ADGRB3: variants seen among roughly 807,000 people sequenced by gnomAD.
The protein encoded by ADGRB3 is brain-specific angiogenesis inhibitor 3.
ADGRB3 carries 37 observed loss-of-function variants against 193.4 expected under a neutral mutation model. The ratio of observed to expected loss-of-function variants is 0.19; its 90% confidence interval spans 0.15 to 0.25. The LOEUF (loss-of-function observed/expected upper bound fraction) is 0.25. Among genes scored for constraint, ADGRB3 ranks in the 10% least tolerant of loss-of-function variants. The pLI, the probability that ADGRB3 is intolerant of heterozygous loss-of-function variation, is 1.00. For synonymous variants in ADGRB3, 690 were observed against 644.2 expected, an observed-to-expected ratio of 1.07 and a Z score of -1.08; for missense variants, 1,637 against 1,852.9, an observed-to-expected ratio of 0.88 and a Z score of 2.14.
At chr6:69,134,760 G>A (rs1561930015) in intron 17 of ADGRB3, among the ~76,000 whole-genome samples, 4 of 151,164 alleles carry the variant, frequency 2.6e-5, no homozygotes, top group Non-Finnish European at 5.9e-5. Flanking sequence ...TGGTGTGTGT[G>A]TATATATATA....
At position 68,663,675 on chromosome 6, in the gene ADGRB3, G is replaced by T. The variant is rs566945040; in HGVS notation, c.757+24243G>T. 2.6e-5 allele frequency among the ~76,000 whole-genome samples: 4 copies of T among 151,882 alleles called. No homozygotes were observed. The East Asian group carries it at 7.8e-4, about 30-fold the overall frequency. ...GGAGCCATGAATAGAAACTTTTGAA[G>T]CTTTGAATAGAAATAATTTTAAAGT... is the stretch of plus-strand genomic sequence containing the variant. On this transcript the variant is annotated intron_variant, in intron 3 of 31. Coordinates refer to ENST00000370598, the MANE Select transcript of ADGRB3 (RefSeq NM_001704.3).
chr6:69,257,021 T>A (rs1157486233), intron 20 of ADGRB3, among the ~76,000 whole-genome samples: 2 of 152,090 alleles, frequency 1.3e-5, no homozygotes, highest in African/African-American at 4.8e-5. Flanking sequence ...ATTTGTGTAT[T>A]TTGAACCAGC....
At chr6:68,937,920 A>G (rs957549256) in intron 5 of ADGRB3, among the ~76,000 whole-genome samples, 1 of 152,194 alleles carries the variant, frequency 6.6e-6, no homozygotes, top group African/African-American at 2.4e-5. Context: ...TTTACATTAT[A>G]TGCTTTTTAT....
chr6:68,958,870 A>AAATAGT lies in ADGRB3; in HGVS notation c.1525+2061_1525+2062insAATAGT, dbSNP rs1554227911. ...TACTTATACAGGGGCAAAGAAAAAT[A>AAATAGT]GTGTGTGTGTGTGTGTGTGTGTGTG... On this transcript the variant is annotated intron_variant, in intron 8 of 31. Transcript: ENST00000370598. 2.5e-3 allele frequency among the ~76,000 whole-genome samples: 372 copies of AAATAGT among 147,324 alleles called. 1 individual carries two copies. Among genetic ancestry groups the AAATAGT allele is most frequent in the African/African-American group, 7.3e-3 (288 of 39,390 alleles).
chr6:69,232,162 T>G (rs1212839431), intron 17 of ADGRB3, among the ~76,000 whole-genome samples: 1 of 152,236 alleles, frequency 6.6e-6, no homozygotes, highest in Admixed American at 6.5e-5. Context: ...ACATACAGGT[T>G]TGCTAGCTGG....
At chr6:69,327,979 C>A in intron 22 of ADGRB3, 90 bp downstream of exon 22, 2 of 1,106,426 alleles carry the variant, frequency 1.8e-6, no homozygotes, top group Non-Finnish European at 2.6e-6. Flanking sequence ...TGCAGTTTAT[C>A]ATGGAATCAT....
At chr6:69,256,481 C>T (rs1175286340) in intron 20 of ADGRB3, among the ~76,000 whole-genome samples, 2 of 152,080 alleles carry the variant, frequency 1.3e-5, no homozygotes, top group Non-Finnish European at 2.9e-5. Flanking sequence ...AATGGGCGTT[C>T]ACTCATGATT....
At chr6:69,280,520 T>C (rs1767411772) in intron 20 of ADGRB3, among the ~76,000 whole-genome samples, 1 of 152,172 alleles carries the variant, frequency 6.6e-6, no homozygotes, top group Non-Finnish European at 1.5e-5. Flanking sequence ...ATTAGACTTA[T>C]ACATATAAAG....
chr6:69,274,680 C>A (rs1017421781), intron 20 of ADGRB3, among the ~76,000 whole-genome samples: 1 of 96,420 alleles, frequency 1.0e-5, no homozygotes. Flanking sequence ...TTTCTTTTTT[C>A]TTTTTATTCC....
intron 3 of ADGRB3, among the ~76,000 whole-genome samples, chr6:68,925,618 G>A (rs1357367152): frequency 6.6e-6 from 1 of 151,820 alleles, no homozygotes; most frequent in Admixed American, 6.6e-5. Flanking sequence ...ATTTCTCTTT[G>A]GCGACATATT....
chr6:69,292,833 A>G (rs1185396544), intron 20 of ADGRB3, among the ~76,000 whole-genome samples: 1 of 152,130 alleles, frequency 6.6e-6, no homozygotes, highest in African/African-American at 2.4e-5. Context: ...CCCGTCATCT[A>G]GCATGAGGTA....
intron 3 of ADGRB3, among the ~76,000 whole-genome samples, chr6:68,648,533 C>T (rs1768270898): frequency 6.8e-6 from 1 of 146,102 alleles, no homozygotes; most frequent in African/African-American, 2.5e-5. Context: ...GCTGATGGAT[C>T]CAGATTGCAA....
At chr6:68,890,700 A>G (rs760105735) in intron 3 of ADGRB3, among the ~76,000 whole-genome samples, 1 of 152,204 alleles carries the variant, frequency 6.6e-6, no homozygotes, top group Non-Finnish European at 1.5e-5. Context: ...AAACAAATAC[A>G]TAAAAGGAAG....
chr6:68,764,998 A>G (rs1766482645), intron 3 of ADGRB3, among the ~76,000 whole-genome samples: 1 of 152,188 alleles, frequency 6.6e-6, no homozygotes, highest in Admixed American at 6.5e-5. Context: ...ATATAATGTA[A>G]TGTTACTGAA....
chr6:68,854,604 C>G (rs1023041238), intron 3 of ADGRB3, among the ~76,000 whole-genome samples: 2 of 151,842 alleles, frequency 1.3e-5, no homozygotes, highest in African/African-American at 4.8e-5. Context: ...AAGTGACCAG[C>G]CTATAAAAAA....
intron 17 of ADGRB3, among the ~76,000 whole-genome samples, chr6:69,098,189 G>T (rs1772938674): frequency 6.6e-6 from 1 of 152,092 alleles, no homozygotes; most frequent in Non-Finnish European, 1.5e-5. Context: ...TTCCTGCCTT[G>T]GCCTCCTAAA....
intron 3 of ADGRB3, among the ~76,000 whole-genome samples, chr6:68,659,849 T>A (rs1768582534): frequency 1.3e-5 from 2 of 151,032 alleles, no homozygotes; most frequent in South Asian, 4.2e-4. Flanking sequence ...TAACCATCTT[T>A]TACACTGATC....
At chr6:69,234,897 T>A in intron 18 of ADGRB3, 135 bp from the exon 19 acceptor site, 1 of 627,546 alleles carries the variant, frequency 1.6e-6, no homozygotes, top group African/African-American at 1.8e-5. Flanking sequence ...CAGAGTGGAT[T>A]CATGGGTAAC....
At chr6:68,884,843 G>T (rs539048181) in intron 3 of ADGRB3, among the ~76,000 whole-genome samples, 1 of 152,234 alleles carries the variant, frequency 6.6e-6, no homozygotes, top group Non-Finnish European at 1.5e-5. Flanking sequence ...TCAGACAACA[G>T]TACATGTGGA....
Sources: gnomAD v4.1 joint callset for allele counts (sites outside exome capture counted in the v4.1 genomes callset) on GRCh38, gnomAD v4.1.1 for gene constraint, MANE v1.5 for transcripts, NCBI Gene and HGNC (gene_info 2026-07-23, HGNC 2026-07-21) for gene names.